The following GARIN5A variants were observed in gnomAD, a reference collection of about 807,000 sequenced individuals.
GARIN5A encodes the protein golgi associated RAB2 interactor 5A.
chr19:50,469,215 C>T, the GARIN5A span, among the ~76,000 whole-genome samples: 6 of 152,238 alleles, frequency 3.9e-5, no homozygotes, highest in African/African-American at 1.2e-4. Context: ...ACACCAGGCT[C>T]AGTCCGACCC....
the GARIN5A span, among the ~76,000 whole-genome samples, chr19:50,471,705 CACGTGTGTGTATACGCATACAT>C: frequency 2.6e-3 from 398 of 151,066 alleles, 8 homozygotes; most frequent in Admixed American, 4.8e-3. Context: ...CGCATACATG[CACGTGTGTGTATACGCATACAT>C]GCACGTGTGT....
the GARIN5A span, among the ~76,000 whole-genome samples, chr19:50,468,919 C>G: frequency 5.3e-5 from 8 of 152,180 alleles, no homozygotes; most frequent in African/African-American, 1.9e-4. Flanking sequence ...TAAAATGTAT[C>G]CACAATCCAA....
the GARIN5A span, among the ~76,000 whole-genome samples, chr19:50,472,214 G>GTTTA: frequency 2.1e-5 from 3 of 141,284 alleles, no homozygotes; most frequent in African/African-American, 7.9e-5. Flanking sequence ...ATATACATGT[G>GTTTA]TGTATGTATA....
At chr19:50,467,762 A>G in the GARIN5A span, 1 of 1,611,060 alleles carries the variant, frequency 6.2e-7, no homozygotes, top group Non-Finnish European at 8.5e-7. Flanking sequence ...CTGGTGTTCA[A>G]CTTGACCTCG....
chr19:50,476,567 C>T, the GARIN5A span: 5 of 1,574,978 alleles, frequency 3.2e-6, no homozygotes, highest in African/African-American at 4.1e-5. Context: ...AGCGCTGGGG[C>T]AACCCGGCTG....
the GARIN5A span, chr19:50,476,253 G>A: frequency 1.2e-6 from 2 of 1,612,662 alleles, no homozygotes; most frequent in African/African-American, 1.3e-5. Flanking sequence ...AGAAAGCGAG[G>A]GGGCGGGACT....
the GARIN5A span, chr19:50,467,775 C>T: frequency 1.9e-6 from 3 of 1,612,238 alleles, no homozygotes; most frequent in South Asian, 3.3e-5. Context: ...TGACCTCGAG[C>T]TGACACCGGC....
the GARIN5A span, among the ~76,000 whole-genome samples, chr19:50,470,879 C>T: frequency 6.6e-6 from 1 of 151,874 alleles, no homozygotes; most frequent in Admixed American, 6.6e-5. Context: ...TGGTCTCAAA[C>T]TCCTGACCTC....
chr19:50,476,576 T>A, the GARIN5A span: 2 of 1,575,698 alleles, frequency 1.3e-6, no homozygotes, highest in Non-Finnish European at 1.7e-6. Flanking sequence ...GCAACCCGGC[T>A]GCTCCTGCTC....
the GARIN5A span, among the ~76,000 whole-genome samples, chr19:50,471,124 C>G: frequency 6.6e-6 from 1 of 152,076 alleles, no homozygotes; most frequent in Non-Finnish European, 1.5e-5. Flanking sequence ...CCCACCATCC[C>G]TGGCTAATGT....
At chr19:50,471,246 G>A in the GARIN5A span, among the ~76,000 whole-genome samples, 16 of 152,064 alleles carry the variant, frequency 1.1e-4, no homozygotes, top group Non-Finnish European at 2.2e-4. Context: ...TTACAGGTGT[G>A]AGCCACTGCA....
chr19:50,475,737 G>T, the GARIN5A span: 2 of 901,662 alleles, frequency 2.2e-6, no homozygotes, highest in Non-Finnish European at 3.6e-6. Flanking sequence ...GGAATCCCAC[G>T]AGATGGACGT....
the GARIN5A span, among the ~76,000 whole-genome samples, chr19:50,471,961 T>C: frequency 6.8e-6 from 1 of 147,720 alleles, no homozygotes; most frequent in Admixed American, 6.7e-5. Context: ...CATGTATGTA[T>C]GTATATATAC....
At chr19:50,474,389 A>G in the GARIN5A span, among the ~76,000 whole-genome samples, 2 of 138,086 alleles carry the variant, frequency 1.4e-5, no homozygotes. Context: ...TCTGTCGCCC[A>G]GGCTGGAGTG....
chr19:50,471,088 C>T, the GARIN5A span, among the ~76,000 whole-genome samples: 4 of 152,134 alleles, frequency 2.6e-5, no homozygotes, highest in Non-Finnish European at 5.9e-5. Flanking sequence ...CCTCAGCCTC[C>T]TAAGTAGCTG....
the GARIN5A span, among the ~76,000 whole-genome samples, chr19:50,471,661 TGTGTGTATACGCATACATGCAC>T: frequency 8.5e-6 from 1 of 117,730 alleles, no homozygotes; most frequent in East Asian, 2.9e-4. Context: ...TACATGCACG[TGTGTGTATACGCATACATGCAC>T]GTGTGTGTAT....
the GARIN5A span, among the ~76,000 whole-genome samples, chr19:50,473,159 T>C: frequency 2.7e-4 from 41 of 152,324 alleles, no homozygotes; most frequent in Non-Finnish European, 4.3e-4. Flanking sequence ...CTCGAGTACA[T>C]GCAGGTCAAA....
At chr19:50,467,377 ACCAGGAGT>A in the GARIN5A span, among the ~76,000 whole-genome samples, 2 of 151,758 alleles carry the variant, frequency 1.3e-5, no homozygotes, top group African/African-American at 4.8e-5. Flanking sequence ...TACTTCCAGA[ACCAGGAGT>A]CCAGGCCCCA....
the GARIN5A span, among the ~76,000 whole-genome samples, chr19:50,472,182 G>GTA: frequency 5.4e-3 from 744 of 139,032 alleles, 51 homozygotes; most frequent in African/African-American, 0.015. Flanking sequence ...GTATATGTAT[G>GTA]TATACATGTA....
Sources: gnomAD v4.1 joint callset for allele counts (sites outside exome capture counted in the v4.1 genomes callset) on GRCh38, gnomAD v4.1.1 for gene constraint, MANE v1.5 for transcripts, NCBI Gene and HGNC (gene_info 2026-07-23, HGNC 2026-07-21) for gene names.